PPP2R3A: variants seen among roughly 807,000 people sequenced by gnomAD.
The protein encoded by PPP2R3A is protein phosphatase 2 regulatory subunit B''alpha, also known as serine/threonine-protein phosphatase 2A regulatory subunit B'' subunit alpha.
Under a neutral mutation model 106.9 loss-of-function variants are expected in PPP2R3A, and 80 were observed. That is an observed-to-expected ratio of 0.75 (90% confidence interval 0.62 to 0.90). The LOEUF (loss-of-function observed/expected upper bound fraction) is 0.90, where lower values mean the gene tolerates loss of function less well. PPP2R3A is among the 40% of genes least tolerant of loss of function. PPP2R3A has a pLI of 0.00. For synonymous variants in PPP2R3A, 483 were observed against 468.3 expected, an observed-to-expected ratio of 1.03 and a Z score of -0.41; for missense variants, 1,386 against 1,350.4, an observed-to-expected ratio of 1.03 and a Z score of -0.41.
chr3:136,006,398 TC>T (rs1270681947), intron 2 of PPP2R3A, among the ~76,000 whole-genome samples: 1 of 152,204 alleles, frequency 6.6e-6, no homozygotes, highest in Non-Finnish European at 1.5e-5. Flanking sequence ...ATCTTTCTTT[TC>T]TTATGAAAAG....
chr3:136,078,688 G>C (rs1217707550), intron 7 of PPP2R3A, among the ~76,000 whole-genome samples: 6 of 152,186 alleles, frequency 3.9e-5, no homozygotes, highest in Admixed American at 3.9e-4. Context: ...AAAGAGTGAA[G>C]TGTACAGACA....
intron 2 of PPP2R3A, among the ~76,000 whole-genome samples, chr3:136,017,447 T>C (rs1934316779): frequency 6.6e-6 from 1 of 152,216 alleles, no homozygotes; most frequent in African/African-American, 2.4e-5. Context: ...TTTTTAAAAA[T>C]TGAGATAAAA....
intron 13 of PPP2R3A, among the ~76,000 whole-genome samples, chr3:136,122,190 TCA>T (rs1490573749): frequency 6.6e-6 from 1 of 152,108 alleles, no homozygotes; most frequent in Non-Finnish European, 1.5e-5. Flanking sequence ...GCACGGTGAC[TCA>T]CACCTGTAAC....
At chr3:136,029,174 C>T (rs2107826609) in intron 3 of PPP2R3A, among the ~76,000 whole-genome samples, 1 of 152,314 alleles carries the variant, frequency 6.6e-6, no homozygotes, top group East Asian at 1.9e-4. Flanking sequence ...GTGAAAGAGA[C>T]AGAAGGTTTC....
chr3:135,977,177 C>G (rs1440306470), intron 1 of PPP2R3A, among the ~76,000 whole-genome samples: 1 of 151,922 alleles, frequency 6.6e-6, no homozygotes, highest in Admixed American at 6.6e-5. Context: ...ATACAATGAA[C>G]ACTTGTTACC....
chr3:135,998,213 G>C (rs1161263970), intron 1 of PPP2R3A, among the ~76,000 whole-genome samples: 2 of 152,112 alleles, frequency 1.3e-5, no homozygotes, highest in Non-Finnish European at 2.9e-5. Context: ...CCTCTACCTG[G>C]AGTATTCTTC....
chr3:136,126,115 C>T (rs902281049), intron 13 of PPP2R3A, among the ~76,000 whole-genome samples: 2 of 152,224 alleles, frequency 1.3e-5, no homozygotes, highest in Admixed American at 1.3e-4. Context: ...AACTGAGGTA[C>T]TTGGTTCATC....
intron 4 of PPP2R3A, among the ~76,000 whole-genome samples, chr3:136,042,180 C>T (rs922850210): frequency 2.1e-4 from 32 of 152,280 alleles, no homozygotes; most frequent in African/African-American, 7.7e-4. Flanking sequence ...TAAATGTATT[C>T]TTATTTTTAA....
chr3:136,028,393 G>A (rs1286799315), intron 3 of PPP2R3A, among the ~76,000 whole-genome samples: 1 of 152,156 alleles, frequency 6.6e-6, no homozygotes, highest in Non-Finnish European at 1.5e-5. Context: ...TACCCTAGAT[G>A]CTTCTAATGA....
At chr3:136,015,645 G>A (rs986388094) in intron 2 of PPP2R3A, among the ~76,000 whole-genome samples, 3 of 151,128 alleles carry the variant, frequency 2.0e-5, no homozygotes, top group Admixed American at 2.0e-4. Flanking sequence ...GTATTTTTGT[G>A]GTATCAGTTG....
chr3:136,138,903 G>T (rs1182227032), intron 13 of PPP2R3A, among the ~76,000 whole-genome samples: 2 of 151,466 alleles, frequency 1.3e-5, no homozygotes, highest in African/African-American at 4.8e-5. Context: ...TAGAGACAGG[G>T]TTTCTCCATG....
At chr3:136,065,126 AG>A (rs1355455878) in intron 5 of PPP2R3A, among the ~76,000 whole-genome samples, 3 of 152,206 alleles carry the variant, frequency 2.0e-5, no homozygotes, top group African/African-American at 7.2e-5. Context: ...CAGCTTACAA[AG>A]ATAATCAACC....
chr3:136,022,659 C>A, intron 2 of PPP2R3A: 1 of 635,480 alleles, frequency 1.6e-6, no homozygotes, highest in African/African-American at 2.0e-5. Flanking sequence ...AAGAAGTTAG[C>A]ATTATCTGAG....
At chr3:136,026,328 C>T (rs1469113836) in intron 2 of PPP2R3A, among the ~76,000 whole-genome samples, 5 of 152,132 alleles carry the variant, frequency 3.3e-5, no homozygotes, top group African/African-American at 7.2e-5. Flanking sequence ...CAAGGGCTGG[C>T]AGTGATTCTA....
chr3:136,048,468 C>G (rs1475799244), intron 4 of PPP2R3A, among the ~76,000 whole-genome samples: 2 of 152,090 alleles, frequency 1.3e-5, no homozygotes, highest in African/African-American at 2.4e-5. Flanking sequence ...GTCAGGAGAT[C>G]AAGAACATCC....
At chr3:136,109,453 AATT>A (rs1374472847) in intron 13 of PPP2R3A, among the ~76,000 whole-genome samples, 8 of 151,092 alleles carry the variant, frequency 5.3e-5, no homozygotes, top group African/African-American at 1.9e-4. Flanking sequence ...ATATAAAAAT[AATT>A]AAGACCCCCA....
At position 136,147,064 on chromosome 3, in the gene PPP2R3A, G is replaced by A. The variant is rs886788064; in HGVS notation, c.*1898G>A. 12 of 151,730 alleles carry A rather than the reference G, an allele frequency of 7.9e-5. No individual in the cohort carries two copies. The highest frequency in any genetic ancestry group is 2.4e-4 in the African/African-American group (10 of 41,256). 9.4% of individuals were successfully genotyped at this position (151,730 alleles called of 1,614,324 possible). A position where few individuals can be genotyped will look rare whatever the true frequency, so the allele number is the denominator to read the frequency against. On this transcript the variant is annotated 3_prime_UTR_variant, in exon 14 of 14. Transcript: ENST00000264977. ...GTCCTCTTGCTTTCACTTTGATCTGGTTTTTGAAGTCTCTTAATTATTGGC... is the reference window on the plus strand; with the variant it reads ...GTCCTCTTGCTTTCACTTTGATCTGATTTTTGAAGTCTCTTAATTATTGGC...
chr3:136,087,257 C>G (rs1559912495), intron 8 of PPP2R3A, among the ~76,000 whole-genome samples: 1 of 136,044 alleles, frequency 7.4e-6, no homozygotes, highest in East Asian at 2.4e-4. Context: ...CTCTCTCTCT[C>G]TCTCTCTCTC....
At chr3:135,972,205 A>G (rs1379190012) in intron 1 of PPP2R3A, among the ~76,000 whole-genome samples, 1 of 152,212 alleles carries the variant, frequency 6.6e-6, no homozygotes, top group African/African-American at 2.4e-5. Context: ...TGAAGATTTC[A>G]TATAAATGGA....
Sources: gnomAD v4.1 joint callset for allele counts (sites outside exome capture counted in the v4.1 genomes callset) on GRCh38, gnomAD v4.1.1 for gene constraint, MANE v1.5 for transcripts, NCBI Gene and HGNC (gene_info 2026-07-23, HGNC 2026-07-21) for gene names.